Variants in COL11A1 observed in about 807,000 individuals in gnomAD.
COL11A1 encodes collagen type XI alpha 1 chain, also known as collagen alpha-1(XI) chain.
Under a neutral mutation model 265.2 loss-of-function variants are expected in COL11A1, and 74 were observed. The observed-to-expected ratio is 0.28, with a 90% confidence interval of 0.23 to 0.34. The LOEUF is 0.34. Among genes scored for constraint, COL11A1 ranks in the 10% least tolerant of loss-of-function variants. COL11A1 has a pLI of 1.00. For synonymous variants in COL11A1, 816 were observed against 727.6 expected (o/e 1.12, Z -1.96); for missense variants, 2,165 against 2,263.6 (o/e 0.96, Z 0.88).
chr1:102,970,918 G>T (rs1329141439), intron 36 of COL11A1, among the ~76,000 whole-genome samples: 3 of 152,140 alleles, frequency 2.0e-5, no homozygotes, highest in African/African-American at 7.2e-5. Flanking sequence ...GGAGGCTGAG[G>T]CAGGGGAATC....
chr1:103,004,559 A>G (rs1483999263), intron 19 of COL11A1, 49 bp downstream of exon 19: 3 of 1,587,394 alleles, frequency 1.9e-6, no homozygotes, highest in Non-Finnish European at 2.6e-6. Flanking sequence ...ATTTTGTTTT[A>G]TTATGTTTTA....
chr1:102,994,861 T>A (rs1235144965), intron 28 of COL11A1, among the ~76,000 whole-genome samples: 1 of 152,084 alleles, frequency 6.6e-6, no homozygotes, highest in African/African-American at 2.4e-5. Context: ...CAGTTCTGCA[T>A]GGCTGGGGAA....
chr1:103,078,236 A>G (rs1416188844), intron 3 of COL11A1, among the ~76,000 whole-genome samples: 1 of 152,022 alleles, frequency 6.6e-6, no homozygotes, highest in Non-Finnish European at 1.5e-5. Flanking sequence ...CTTGGAACAA[A>G]CTGGCCACAC....
chr1:102,931,039 A>T (rs2101157195), intron 46 of COL11A1, among the ~76,000 whole-genome samples: 1 of 146,686 alleles, frequency 6.8e-6, no homozygotes. Context: ...CTTTCAAAAA[A>T]CCAGCTCCTG....
chr1:102,990,828 T>A lies in COL11A1; in HGVS notation c.2341-1257A>T, dbSNP rs182624803. Among the ~76,000 whole-genome samples the A allele has an allele frequency of 2.6e-3, 397 of 151,338 alleles. 5 individuals are homozygous for A. The highest frequency in any genetic ancestry group is 9.3e-3 in the African/African-American group (382 of 41,156). On this transcript the variant is annotated intron_variant, in intron 28 of 66. Coordinates refer to ENST00000370096, the MANE Select transcript of COL11A1 (RefSeq NM_001854.4). ...CAGGTGGATCATCTGAGGTAAGGAG[T>A]TCGAGACCAGCCTGGCCAACATGGT...
At chr1:102,995,722 G>T in intron 28 of COL11A1, 142 bp downstream of exon 28, 1 of 716,336 alleles carries the variant, frequency 1.4e-6, no homozygotes, top group Non-Finnish European at 2.4e-6. Flanking sequence ...TAAGTTGTGA[G>T]GATAAAGAAT....
chr1:103,038,080 T>C (rs1295227193), intron 4 of COL11A1, among the ~76,000 whole-genome samples: 1 of 152,112 alleles, frequency 6.6e-6, no homozygotes, highest in East Asian at 1.9e-4. Context: ...AAATAGGAGT[T>C]AGCCTAATGA....
chr1:102,889,383 C>CTCTGTGTGTG (rs1553194056), intron 59 of COL11A1, 72 bp downstream of exon 59: 11 of 799,960 alleles, frequency 1.4e-5, no homozygotes, highest in Admixed American at 3.6e-5. Context: ...ACTTAAAGGA[C>CTCTGTGTGTG]TGTGTGTGTG....
intron 5 of COL11A1, among the ~76,000 whole-genome samples, chr1:103,029,490 C>T (rs1038601056): frequency 2.0e-5 from 3 of 151,818 alleles, no homozygotes; most frequent in African/African-American, 4.8e-5. Flanking sequence ...GGTATAGATG[C>T]TTATCTTATT....
rs1015260383 is a variant in COL11A1, at chr1:102,877,518, C to T, written c.*501G>A. Reference sequence around the variant, plus strand: ...ATTACAACTTTATTTTTTCATAATACATATATTTATTGCCATCAGAGTTCT... The same window carrying T: ...ATTACAACTTTATTTTTTCATAATATATATATTTATTGCCATCAGAGTTCT... On this transcript the variant is annotated 3_prime_UTR_variant, in exon 67 of 67. Transcript: ENST00000370096. The T allele has an allele frequency of 6.5e-6, 1 of 152,968 alleles. No individual in the cohort carries two copies. Among genetic ancestry groups the T allele is most frequent in the East Asian group, 1.9e-4 (1 of 5,204 alleles). 9.5% of individuals were successfully genotyped at this position (152,968 alleles called of 1,614,324 possible). A position where few individuals can be genotyped will look rare whatever the true frequency, so the allele number is the denominator to read the frequency against.
rs370445089 is a variant in COL11A1 at position 103,003,299 on chromosome 1, T to TA, written c.1945-32dup. ...AGAAAAAGAAAAAGCACGCCTTTATTAAAAAAAAAAAATGTCCTAATAACA... is the reference window on the plus strand; with the variant it reads ...AGAAAAAGAAAAAGCACGCCTTTATTAAAAAAAAAAAAATGTCCTAATAACA... On this transcript the variant is annotated intron_variant, in intron 20 of 66. Coordinates refer to ENST00000370096, the MANE Select transcript of COL11A1 (RefSeq NM_001854.4). 0.032 allele frequency: 43,747 copies of TA among 1,348,860 alleles called. 73 individuals are homozygous for TA. The highest frequency in any genetic ancestry group is 0.048 in the Middle Eastern group (254 of 5,268). 83.6% of individuals were successfully genotyped at this position (1,348,860 alleles called of 1,614,324 possible).
At chr1:103,099,670 A>G (rs1488245645) in intron 1 of COL11A1, among the ~76,000 whole-genome samples, 2 of 151,792 alleles carry the variant, frequency 1.3e-5, no homozygotes, top group Non-Finnish European at 2.9e-5. Flanking sequence ...GAAAAGTAAA[A>G]TGATGATTTA....
chr1:102,973,152 T>C (rs539933814), intron 36 of COL11A1, among the ~76,000 whole-genome samples: 1 of 152,212 alleles, frequency 6.6e-6, no homozygotes, highest in Non-Finnish European at 1.5e-5. Flanking sequence ...ACTAGAGAAA[T>C]GGGGTATTTT....
chr1:103,022,431 AT>A lies in COL11A1; in HGVS notation c.1245+310del, dbSNP rs528405777. Among the ~76,000 whole-genome samples, 32 of 152,306 alleles carry A rather than the reference AT, an allele frequency of 2.1e-4. No individual in the cohort carries two copies. The East Asian group carries it at 6.0e-3, about 28-fold the overall frequency. On this transcript the variant is annotated intron_variant, in intron 8 of 66. Coordinates refer to ENST00000370096, the MANE Select transcript of COL11A1 (RefSeq NM_001854.4). ...TTAAAAAATAGTCTAAAAATCAGAA[AT>A]AAAAAATCAGACTTGCTACTTGGAA...
At chr1:103,039,609 T>C (rs934586758) in intron 4 of COL11A1, among the ~76,000 whole-genome samples, 1 of 151,258 alleles carries the variant, frequency 6.6e-6, no homozygotes, top group Non-Finnish European at 1.5e-5. Context: ...AGAAAACGAC[T>C]CTGTCAACAC....
intron 41 of COL11A1, among the ~76,000 whole-genome samples, chr1:102,959,256 T>C (rs1285698583): frequency 6.6e-6 from 1 of 152,238 alleles, no homozygotes; most frequent in East Asian, 1.9e-4. Flanking sequence ...ATATGTTGTA[T>C]TAGTGATTTA....
chr1:103,041,599 C>A (rs1201683084), intron 4 of COL11A1, among the ~76,000 whole-genome samples: 1 of 151,802 alleles, frequency 6.6e-6, no homozygotes, highest in African/African-American at 2.4e-5. Context: ...GAATTGAAGT[C>A]TCTTTAAATC....
chr1:102,954,218 C>T (rs1660152469), intron 41 of COL11A1, among the ~76,000 whole-genome samples: 1 of 152,166 alleles, frequency 6.6e-6, no homozygotes, highest in East Asian at 1.9e-4. Context: ...CTAAATCCTG[C>T]TGCACCTTCA....
At chr1:103,001,019 T>A (rs547113122) in intron 24 of COL11A1, 1 of 393,506 alleles carries the variant, frequency 2.5e-6, no homozygotes, top group African/African-American at 2.1e-5. Flanking sequence ...ATTCATATGA[T>A]TAAATCATAA....
Sources: allele counts gnomAD v4.1 joint callset (sites outside exome capture counted in the v4.1 genomes callset), GRCh38; gene constraint gnomAD v4.1.1; transcripts MANE v1.5; gene names NCBI Gene and HGNC (gene_info 2026-07-23, HGNC 2026-07-21).